SH3GLB1: variants seen among roughly 807,000 people sequenced by gnomAD.
SH3GLB1 encodes the protein endophilin-B1.
In SH3GLB1, 17 loss-of-function variants were observed where a neutral mutation model predicts 42.0. The observed-to-expected ratio is 0.40, with a 90% confidence interval of 0.28 to 0.61. The LOEUF (loss-of-function observed/expected upper bound fraction) is 0.61, where lower values mean the gene tolerates loss of function less well. Ranked by LOEUF, SH3GLB1 falls within the 20% of genes least tolerant of loss-of-function variation. SH3GLB1 has a pLI of 0.36. For missense variants in SH3GLB1, 355 were observed against 426.3 expected (o/e 0.83, Z 1.47); for synonymous variants, 132 against 146.6 (o/e 0.90, Z 0.72).
intron 3 of SH3GLB1, among the ~76,000 whole-genome samples, chr1:86,721,732 C>T (rs1654870432): frequency 6.6e-6 from 1 of 152,104 alleles, no homozygotes; most frequent in Non-Finnish European, 1.5e-5. Flanking sequence ...GTGACTTGAT[C>T]TCTTGGAAGC....
At chr1:86,736,229 T>C (rs1202206211) in intron 7 of SH3GLB1, among the ~76,000 whole-genome samples, 1 of 152,078 alleles carries the variant, frequency 6.6e-6, no homozygotes, top group Non-Finnish European at 1.5e-5. Context: ...AATTTATATA[T>C]TGAGGAACCA....
chr1:86,733,156 G>A (rs1655599239), intron 5 of SH3GLB1, among the ~76,000 whole-genome samples: 1 of 152,092 alleles, frequency 6.6e-6, no homozygotes, highest in African/African-American at 2.4e-5. Context: ...CTTTGTCCCT[G>A]CTATCAAAAC....
At chr1:86,719,744 C>T in intron 3 of SH3GLB1, 109 bp downstream of exon 3, 2 of 1,122,980 alleles carry the variant, frequency 1.8e-6, no homozygotes, top group Non-Finnish European at 2.5e-6. Flanking sequence ...ACCTGTAATC[C>T]CAGCACTTTG....
rs1389978164 is a variant in SH3GLB1, at chr1:86,745,749, A to G, written c.*2514A>G. 6.6e-6 allele frequency: 1 copy of G among 152,170 alleles called. No individual in the cohort carries two copies. Among genetic ancestry groups the G allele is most frequent in the Non-Finnish European group, 1.5e-5 (1 of 68,030 alleles). 9.4% of individuals were successfully genotyped at this position (152,170 alleles called of 1,614,324 possible). On this transcript the variant is annotated 3_prime_UTR_variant, in exon 9 of 9. Transcript: ENST00000370558. ...TTGGTTTTGGCTTATTTTAAAGTCA[A>G]GTTTAGTTTTTACTCAGGTAAAGGC...
At chr1:86,705,122 T>A in intron 1 of SH3GLB1, 151 bp downstream of exon 1, 1 of 519,826 alleles carries the variant, frequency 1.9e-6, no homozygotes, top group Non-Finnish European at 3.3e-6. Context: ...CCTGGTCCCC[T>A]CCCCGGGCCC....
At chr1:86,725,871 A>AG (rs1368317842) in intron 5 of SH3GLB1, among the ~76,000 whole-genome samples, 4 of 152,082 alleles carry the variant, frequency 2.6e-5, no homozygotes, top group Non-Finnish European at 5.9e-5. Flanking sequence ...TTACTGCTAG[A>AG]GAAGAGCTAT....
In SH3GLB1 at chr1:86,746,164, C is replaced by G. The variant is rs1656288279; in HGVS notation, c.*2929C>G. ...TGGGGTAGAGTCATCTTCATAGTCTCCTGTTATCCTCCCCCTGAACAAAGA... is the reference window on the plus strand; with the variant it reads ...TGGGGTAGAGTCATCTTCATAGTCTGCTGTTATCCTCCCCCTGAACAAAGA... On this transcript the variant is annotated 3_prime_UTR_variant, in exon 9 of 9. Transcript: ENST00000370558. 6.6e-6 allele frequency: 1 copy of G among 152,582 alleles called. No individual in the cohort carries two copies. The highest frequency in any genetic ancestry group is 6.5e-5 in the Admixed American group (1 of 15,276). 9.5% of individuals were successfully genotyped at this position (152,582 alleles called of 1,614,324 possible).
chr1:86,711,208 T>A (rs780984696), intron 1 of SH3GLB1, among the ~76,000 whole-genome samples: 19 of 152,180 alleles, frequency 1.2e-4, no homozygotes, highest in Non-Finnish European at 2.5e-4. Flanking sequence ...ATGTCTTTGA[T>A]CACACACCCA....
chr1:86,712,938 G>C (rs1238391188), intron 1 of SH3GLB1, among the ~76,000 whole-genome samples: 2 of 152,038 alleles, frequency 1.3e-5, no homozygotes, highest in African/African-American at 4.8e-5. Context: ...ATACCTGGGA[G>C]GTAGTATCAT....
At chr1:86,738,933 C>T (rs1655921650) in intron 7 of SH3GLB1, among the ~76,000 whole-genome samples, 1 of 152,180 alleles carries the variant, frequency 6.6e-6, no homozygotes, top group African/African-American at 2.4e-5. Flanking sequence ...CGTGAGCCAC[C>T]ACGTCCATCT....
At position 86,745,287 on chromosome 1, in the gene SH3GLB1, T is replaced by C. The variant is rs900510361; in HGVS notation, c.*2052T>C. ...TGGTTGTGAGGATTAGCAAATGTTA[T>C]CTTGTATTTCAGGTGCCTTTCAGGG... On this transcript the variant is annotated 3_prime_UTR_variant, in exon 9 of 9. Transcript: ENST00000370558. 6.6e-6 allele frequency: 1 copy of C among 152,202 alleles called. No homozygotes were observed. The highest frequency in any genetic ancestry group is 2.4e-5 in the African/African-American group (1 of 41,444). 9.4% of individuals were successfully genotyped at this position (152,202 alleles called of 1,614,324 possible).
At chr1:86,712,774 A>C (rs1346352047) in intron 1 of SH3GLB1, among the ~76,000 whole-genome samples, 3 of 152,074 alleles carry the variant, frequency 2.0e-5, no homozygotes, top group Non-Finnish European at 2.9e-5. Context: ...TAAAAAAAAA[A>C]AACCTACTAA....
intron 2 of SH3GLB1, among the ~76,000 whole-genome samples, chr1:86,718,511 T>C (rs533820774): frequency 6.6e-6 from 1 of 152,376 alleles, no homozygotes; most frequent in South Asian, 2.1e-4. Flanking sequence ...CTATTTTATG[T>C]ATTATAACTA....
At chr1:86,713,647 T>G (rs909307059) in intron 1 of SH3GLB1, among the ~76,000 whole-genome samples, 4 of 152,110 alleles carry the variant, frequency 2.6e-5, no homozygotes, top group Non-Finnish European at 4.4e-5. Context: ...TACCCGCATC[T>G]CACACTCCTC....
intron 1 of SH3GLB1, among the ~76,000 whole-genome samples, chr1:86,713,523 G>A (rs1457068912): frequency 6.6e-6 from 1 of 152,060 alleles, no homozygotes; most frequent in African/African-American, 2.4e-5. Context: ...AAGAAATTGT[G>A]CAACTGGAAG....
Position 86,727,627 on chromosome 1 carries a change from T to C in SH3GLB1, c.570+3222T>C, listed in dbSNP as rs556690810. On this transcript the variant is annotated intron_variant, in intron 5 of 8. Transcript: ENST00000370558. ...GCATTTTGCCTAAGGGATACAAAACTGTAATGCATTTCAATTATAAGGCAC... is the reference window on the plus strand; with the variant it reads ...GCATTTTGCCTAAGGGATACAAAACCGTAATGCATTTCAATTATAAGGCAC... Among the ~76,000 whole-genome samples, 11 of 152,146 alleles carry C rather than the reference T, an allele frequency of 7.2e-5. 1 individual carries two copies. In the East Asian group the frequency reaches 2.1e-3, roughly 29 times the overall value.
chr1:86,722,692 C>T lies in SH3GLB1; in HGVS notation c.477+19C>T. ...AATTGCTGTGAGTTGAAAAATGTCCCCTTTATTTAGTAAAATCATTTAGAT... is the reference window on the plus strand; with the variant it reads ...AATTGCTGTGAGTTGAAAAATGTCCTCTTTATTTAGTAAAATCATTTAGAT... On this transcript the variant is annotated intron_variant, in intron 4 of 8. Coordinates refer to ENST00000370558, the MANE Select transcript of SH3GLB1 (RefSeq NM_016009.5). 2 of 1,570,872 alleles carry T rather than the reference C, an allele frequency of 1.3e-6. No homozygotes were observed. Among genetic ancestry groups the T allele is most frequent in the South Asian group, 2.4e-5 (2 of 83,572 alleles).
Position 86,704,956 on chromosome 1 carries a change from C to A in SH3GLB1, c.57C>A (p.Leu19=), listed in dbSNP as rs1653738337. 1.3e-6 allele frequency: 2 copies of A among 1,583,476 alleles called. No individual in the cohort carries two copies. Among genetic ancestry groups the A allele is most frequent in the Non-Finnish European group, 8.6e-7 (1 of 1,167,244 alleles). The stretch of plus-strand genomic sequence containing the variant: ...TGGCGGCCGACGCAGGCACCTTCCT[C>A]AGTCGCGCCGTGCAGGTACCCTGGT... ...KKLAADAGTF[L]SRAVQFTEEK... Residue 19 remains leucine (L), a synonymous_variant, in exon 1 of 9, where the codon CTC becomes CTA. Coordinates refer to ENST00000370558, the MANE Select transcript of SH3GLB1 (RefSeq NM_016009.5).
At chr1:86,726,549 G>A (rs1655205535) in intron 5 of SH3GLB1, among the ~76,000 whole-genome samples, 1 of 151,896 alleles carries the variant, frequency 6.6e-6, no homozygotes, top group Non-Finnish European at 1.5e-5. Flanking sequence ...ATTTTATTCA[G>A]TTCAGCAATT....
Sources: gnomAD v4.1 joint callset for allele counts (sites outside exome capture counted in the v4.1 genomes callset) on GRCh38, gnomAD v4.1.1 for gene constraint, MANE v1.5 for transcripts, NCBI Gene and HGNC (gene_info 2026-07-23, HGNC 2026-07-21) for gene names.